Variants in PAK3 observed in about 807,000 individuals in gnomAD.
The protein encoded by PAK3 is p21 (RAC1) activated kinase 3, also known as serine/threonine-protein kinase PAK 3.
A neutral mutation model predicts 41.0 loss-of-function variants in PAK3; 4 were observed. That is an observed-to-expected ratio of 0.10 (90% CI 0.05 to 0.22). The LOEUF (loss-of-function observed/expected upper bound fraction) is 0.22. Ranked by LOEUF, PAK3 falls within the 10% of genes least tolerant of loss-of-function variation. The pLI is 1.00. For synonymous variants in PAK3, 146 were observed against 139.6 expected (o/e 1.05, Z -0.32); for missense variants, 205 against 409.9 (o/e 0.50, Z 4.32).
intron 1 of PAK3, among the ~76,000 whole-genome samples, chrX:111,013,115 A>T (rs1188829362): frequency 8.9e-6 from 1 of 112,518 alleles, no homozygotes; most frequent in African/African-American, 3.2e-5. Context: ...AATTCTGCTC[A>T]CATGCCACTT....
intron 1 of PAK3, among the ~76,000 whole-genome samples, chrX:111,024,680 A>G (rs940567031): frequency 7.2e-5 from 8 of 111,306 alleles, no homozygotes; most frequent in African/African-American, 2.6e-4. Context: ...AATTAGATAG[A>G]CAGCAACAAA....
At chrX:111,079,230 A>G (rs2092813439) in intron 1 of PAK3, among the ~76,000 whole-genome samples, 2 of 112,211 alleles carry the variant, frequency 1.8e-5, no homozygotes, top group Non-Finnish European at 3.8e-5. Flanking sequence ...AGAAGATGCC[A>G]TCTAAGGACT....
chrX:111,087,637 T>TA (rs1178381967), intron 1 of PAK3, among the ~76,000 whole-genome samples: 1 of 108,891 alleles, frequency 9.2e-6, no homozygotes, highest in Non-Finnish European at 1.9e-5. Context: ...AGAAGATTAA[T>TA]ACAGCTTCAG....
chrX:111,013,073 T>G (rs963538701), intron 1 of PAK3, among the ~76,000 whole-genome samples: 4 of 112,820 alleles, frequency 3.5e-5, no homozygotes, highest in Non-Finnish European at 5.6e-5. Flanking sequence ...CCTGGCCCTG[T>G]TAAGATGTTC....
At chrX:111,115,883 G>T (rs2093455177) in intron 4 of PAK3, among the ~76,000 whole-genome samples, 2 of 111,315 alleles carry the variant, frequency 1.8e-5, no homozygotes, top group Non-Finnish European at 3.8e-5. Context: ...CAGAGAAATT[G>T]GGAATAGAGC....
At position 111,220,643 on chromosome X, in the gene PAK3, A is replaced by G; in HGVS notation, c.*196A>G. 2.2e-6 allele frequency: 1 copy of G among 449,977 alleles called. No homozygotes were observed. Among genetic ancestry groups the G allele is most frequent in the South Asian group, 3.2e-5 (1 of 30,924 alleles). The allele number at this position is 449,977 out of a possible 1,213,427, so 37.1% of individuals were successfully genotyped here. ...ATTTGTAAGCCTGAATCGCAGCCCA[A>G]ACAGGGCAGCAATGTTGAAGTGACC... On this transcript the variant is annotated 3_prime_UTR_variant, in exon 18 of 18. Coordinates refer to ENST00000372007, the MANE Select transcript of PAK3 (RefSeq NM_002578.5).
chrX:111,000,660 T>A (rs986866500), intron 1 of PAK3, among the ~76,000 whole-genome samples: 1 of 112,026 alleles, frequency 8.9e-6, no homozygotes, highest in African/African-American at 3.2e-5. Flanking sequence ...ATAATCTTAG[T>A]ATTATTATGT....
At chrX:110,979,549 C>A (rs750746740) in intron 1 of PAK3, among the ~76,000 whole-genome samples, 2 of 111,386 alleles carry the variant, frequency 1.8e-5, no homozygotes, top group Non-Finnish European at 3.8e-5. Flanking sequence ...TGGCCTTGGC[C>A]TCCCAAAGTG....
At chrX:110,991,499 T>C (rs1451182389) in intron 1 of PAK3, among the ~76,000 whole-genome samples, 1 of 111,542 alleles carries the variant, frequency 9.0e-6, no homozygotes, top group East Asian at 2.8e-4. Flanking sequence ...GGAATGACAG[T>C]AGTGCCAACT....
intron 1 of PAK3, among the ~76,000 whole-genome samples, chrX:110,964,865 G>GACTGA (rs2091049782): frequency 9.0e-6 from 1 of 111,623 alleles, no homozygotes; most frequent in Non-Finnish European, 1.9e-5. Flanking sequence ...CTGGCTGACT[G>GACTGA]ACTGACTGGC....
chrX:111,219,141 G>A (rs181798354), intron 17 of PAK3, among the ~76,000 whole-genome samples: 28 of 106,797 alleles, frequency 2.6e-4, no homozygotes, highest in African/African-American at 9.5e-4. Context: ...AGTGAGCTGA[G>A]ATTGTGCCAC....
intron 1 of PAK3, among the ~76,000 whole-genome samples, chrX:111,012,452 A>T (rs1188575969): frequency 8.9e-6 from 1 of 111,931 alleles, no homozygotes; most frequent in East Asian, 2.8e-4. Flanking sequence ...CAATCCAATT[A>T]TTCTCCTGCC....
intron 1 of PAK3, among the ~76,000 whole-genome samples, chrX:111,019,805 C>CAT (rs1296973639): frequency 9.2e-6 from 1 of 109,055 alleles, no homozygotes; most frequent in Non-Finnish European, 1.9e-5. Context: ...AGGTGCTTGA[C>CAT]ATCACTAGTC....
chrX:111,082,704 C>T (rs1442537118), intron 1 of PAK3, among the ~76,000 whole-genome samples: 1 of 111,997 alleles, frequency 8.9e-6, no homozygotes. Context: ...AATTCATTTG[C>T]ACCCATGCCC....
rs140340126 is a variant in PAK3, at chrX:111,209,906, T to C, written c.1408-6515T>C. Among the ~76,000 whole-genome samples, 429 of 112,273 alleles carry C rather than the reference T, an allele frequency of 3.8e-3. 1 individual carries two copies. The highest frequency in any genetic ancestry group is 0.013 in the South Asian group (34 of 2,671). On this transcript the variant is annotated intron_variant, in intron 16 of 17. Transcript: ENST00000372007. ...CTATGATGACTGCTTTGATCTTTTT[T>C]AACTGAGGAAATTGTTAATATAGTA...
chrX:111,169,951 C>G (rs1286917698), intron 10 of PAK3, among the ~76,000 whole-genome samples: 1 of 111,306 alleles, frequency 9.0e-6, no homozygotes, highest in East Asian at 2.8e-4. Context: ...AGGGAGCTAT[C>G]AAGTAATCCT....
At chrX:111,035,105 CAAAAAAAAAAAA>C (rs533876214) in intron 1 of PAK3, among the ~76,000 whole-genome samples, 3 of 39,556 alleles carry the variant, frequency 7.6e-5, no homozygotes, top group African/African-American at 4.2e-4. Flanking sequence ...GACCCTGTCT[CAAAAAAAAAAAA>C]AAAAAAAAAA....
At chrX:111,017,143 A>G (rs1049190425) in intron 1 of PAK3, among the ~76,000 whole-genome samples, 8 of 111,861 alleles carry the variant, frequency 7.2e-5, no homozygotes, top group Admixed American at 1.9e-4. Context: ...TAAATCAACA[A>G]CCTAACTTCA....
intron 1 of PAK3, among the ~76,000 whole-genome samples, chrX:110,962,288 T>A (rs1474639734): frequency 9.0e-6 from 1 of 111,307 alleles, no homozygotes; most frequent in Non-Finnish European, 1.9e-5. Flanking sequence ...GAAAGCGGAG[T>A]CATCCAAGAT....
Sources: allele counts gnomAD v4.1 joint callset (sites outside exome capture counted in the v4.1 genomes callset), GRCh38; gene constraint gnomAD v4.1.1; transcripts MANE v1.5; gene names NCBI Gene and HGNC (gene_info 2026-07-23, HGNC 2026-07-21).